Variants in BICD1 observed in about 807,000 individuals in gnomAD.
The protein encoded by BICD1 is protein bicaudal D homolog 1.
In BICD1, 35 loss-of-function variants were observed where a neutral mutation model predicts 92.5. The ratio of observed to expected loss-of-function variants is 0.38; its 90% CI spans 0.29 to 0.50. BICD1 has a LOEUF of 0.50. Ranked by LOEUF, BICD1 falls within the 20% of genes least tolerant of loss-of-function variation. The pLI is 0.93. For missense variants in BICD1, 950 were observed against 1,189.8 expected, an observed-to-expected ratio of 0.80 and a Z score of 2.97; for synonymous variants, 429 against 465.1, an observed-to-expected ratio of 0.92 and a Z score of 1.00.
Position 32,328,972 on chromosome 12 carries a change from A to T in BICD1, c.2100+417A>T, listed in dbSNP as rs1303762016. 6.6e-6 allele frequency among the ~76,000 whole-genome samples: 1 copy of T among 152,220 alleles called. No homozygotes were observed. The highest frequency in any genetic ancestry group is 1.5e-5 in the Non-Finnish European group (1 of 68,040). On this transcript the variant is annotated intron_variant, in intron 5 of 9. Transcript: ENST00000652176. This position sits in a 1 kb window ranked among gnomAD's most constrained non-coding sequence, Gnocchi z 4.4. ...AGACAAACACCCAGCAGGCAGCTAG[A>T]GCAAACAGAGGGAAATCTGGGTACA... is the stretch of plus-strand genomic sequence containing the variant.
intron 2 of BICD1, among the ~76,000 whole-genome samples, chr12:32,232,352 T>C (rs1182198129): frequency 6.6e-6 from 1 of 151,934 alleles, no homozygotes; most frequent in East Asian, 1.9e-4. Flanking sequence ...TGGTGAGCAT[T>C]TTTTCATGTG....
chr12:32,342,204 GTATATATATA>G (rs3075972), intron 8 of BICD1, among the ~76,000 whole-genome samples: 10 of 119,302 alleles, frequency 8.4e-5, no homozygotes, highest in African/African-American at 1.6e-4. Flanking sequence ...GTGTGTGTGT[GTATATATATA>G]TATATATATA....
At chr12:32,346,574 AT>A (rs1938601434) in intron 8 of BICD1, among the ~76,000 whole-genome samples, 1 of 42,912 alleles carries the variant, frequency 2.3e-5, no homozygotes, top group African/African-American at 1.5e-4. Flanking sequence ...ATATATATAT[AT>A]ATATATACGT....
At chr12:32,375,454 C>T in intron 9 of BICD1, among the ~76,000 whole-genome samples, 1 of 152,048 alleles carries the variant, frequency 6.6e-6, no homozygotes, top group East Asian at 1.9e-4. Context: ...TGCTTGAACC[C>T]AGGAGGCAGA....
intron 2 of BICD1, among the ~76,000 whole-genome samples, chr12:32,255,946 ATAT>A (rs748913656): frequency 9.9e-5 from 15 of 151,806 alleles, no homozygotes; most frequent in Non-Finnish European, 1.3e-4. Flanking sequence ...ATTAATGATA[ATAT>A]TATTAATTAA....
intron 1 of BICD1, among the ~76,000 whole-genome samples, chr12:32,124,245 A>G (rs1448364447): frequency 6.6e-6 from 1 of 152,240 alleles, no homozygotes; most frequent in African/African-American, 2.4e-5. Flanking sequence ...TATGCAGGCT[A>G]TACAAAAATT....
chr12:32,125,472 AG>A (rs1194727419), intron 1 of BICD1, among the ~76,000 whole-genome samples: 1 of 152,206 alleles, frequency 6.6e-6, no homozygotes, highest in Non-Finnish European at 1.5e-5. Context: ...AGCACTTAGG[AG>A]CTCAGATTTA....
chr12:32,169,449 T>A (rs1001311475), intron 1 of BICD1, among the ~76,000 whole-genome samples: 2 of 152,126 alleles, frequency 1.3e-5, no homozygotes, highest in Non-Finnish European at 1.5e-5. Context: ...CATTAATTTT[T>A]TTTTTCTTAG....
At chr12:32,115,903 G>A (rs1941873244) in intron 1 of BICD1, among the ~76,000 whole-genome samples, 1 of 152,178 alleles carries the variant, frequency 6.6e-6, no homozygotes, top group Non-Finnish European at 1.5e-5. Context: ...TGGCAAGCCA[G>A]GATGATTCAG....
intron 1 of BICD1, among the ~76,000 whole-genome samples, chr12:32,130,473 G>A (rs1416891231): frequency 2.0e-5 from 3 of 152,190 alleles, no homozygotes; most frequent in African/African-American, 7.2e-5. Context: ...TTACAGGCGT[G>A]AGCCACCACG....
chr12:32,340,132 C>A, intron 8 of BICD1: 4 of 985,292 alleles, frequency 4.1e-6, no homozygotes, highest in Non-Finnish European at 4.8e-6. Flanking sequence ...TTGCAAACCT[C>A]AGCCTTTGGA....
intron 2 of BICD1, among the ~76,000 whole-genome samples, chr12:32,246,975 T>C (rs1047496584): frequency 2.0e-5 from 3 of 151,924 alleles, no homozygotes; most frequent in African/African-American, 7.3e-5. Context: ...ATGCCTGTTA[T>C]GGTCAGGCAC....
At chr12:32,235,387 T>C (rs913165703) in intron 2 of BICD1, among the ~76,000 whole-genome samples, 2 of 152,224 alleles carry the variant, frequency 1.3e-5, no homozygotes, top group African/African-American at 4.8e-5. Flanking sequence ...TTTGAATTAG[T>C]CTTTTGTTGG....
chr12:32,257,211 C>CAAA lies in BICD1; in HGVS notation c.427-36761_427-36759dup, dbSNP rs35294412. On this transcript the variant is annotated intron_variant, in intron 2 of 9. Transcript: ENST00000652176. ...CTGGTGACAGAGGGAGACTCTGTCT[C>CAAA]AAAAAAAAAAAAAAAAAAAAAAAAT... is the stretch of plus-strand genomic sequence containing the variant. Among the ~76,000 whole-genome samples the CAAA allele has an allele frequency of 5.8e-3, 456 of 78,094 alleles. 12 individuals are homozygous for CAAA. The highest frequency in any genetic ancestry group is 0.019 in the African/African-American group (349 of 18,696). The allele number at this position is 78,094 out of a possible 152,430, so 51.2% of individuals were successfully genotyped here.
At chr12:32,226,972 A>C (rs915876188) in intron 2 of BICD1, among the ~76,000 whole-genome samples, 2 of 152,128 alleles carry the variant, frequency 1.3e-5, no homozygotes, top group African/African-American at 4.8e-5. Flanking sequence ...GACCAGGGGA[A>C]GGCATGTGAG....
At position 32,382,821 on chromosome 12, in the gene BICD1, G is replaced by C. The variant is rs551228445; in HGVS notation, c.*5194G>C. 1.3e-5 allele frequency: 2 copies of C among 151,402 alleles called. No individual in the cohort carries two copies. Among genetic ancestry groups the C allele is most frequent in the African/African-American group, 4.9e-5 (2 of 41,218 alleles). The allele number at this position is 151,402 out of a possible 1,614,324, so 9.4% of individuals were successfully genotyped here. A position where few individuals can be genotyped will look rare whatever the true frequency, so the allele number is the denominator to read the frequency against. On this transcript the variant is annotated 3_prime_UTR_variant, in exon 10 of 10. Transcript: ENST00000652176. ...AAGATGAGAGAACTATAAAGTAAGG[G>C]GAAATATCATTTTATTTAAAAATAA... is the stretch of plus-strand genomic sequence containing the variant.
chr12:32,355,095 G>T (rs1265978242), intron 8 of BICD1, among the ~76,000 whole-genome samples: 1 of 152,190 alleles, frequency 6.6e-6, no homozygotes, highest in Admixed American at 6.5e-5. Flanking sequence ...CATCTTAAAT[G>T]ATGGCAATTT....
At chr12:32,273,323 C>A (rs1008396205) in intron 2 of BICD1, among the ~76,000 whole-genome samples, 1 of 152,174 alleles carries the variant, frequency 6.6e-6, no homozygotes, top group African/African-American at 2.4e-5. Context: ...ATTGAAAAGA[C>A]TCACAAGATT....
intron 2 of BICD1, among the ~76,000 whole-genome samples, chr12:32,234,596 C>CAAAA (rs758851036): frequency 0.024 from 1,812 of 76,144 alleles, 59 homozygotes; most frequent in African/African-American, 0.072. Flanking sequence ...AACTCCGTCT[C>CAAAA]AAAAAAAAAA....
Sources: gnomAD v4.1 joint callset for allele counts (sites outside exome capture counted in the v4.1 genomes callset) on GRCh38, gnomAD v4.1.1 for gene constraint, Gnocchi (gnomAD v3.1) non-coding constraint, MANE v1.5 for transcripts, NCBI Gene and HGNC (gene_info 2026-07-23, HGNC 2026-07-21) for gene names.